PSCA: variants seen among roughly 807,000 people sequenced by gnomAD.
PSCA encodes prostate stem cell antigen.
Under a neutral mutation model 7.9 loss-of-function variants are expected in PSCA, and 7 were observed. That is an observed-to-expected ratio of 0.89 (90% CI 0.51 to 1.67). PSCA has a LOEUF of 1.67. PSCA is among the 40% of genes most tolerant of loss of function. PSCA has a pLI of 0.00. For missense variants in PSCA, 151 were observed against 147.9 expected (o/e 1.02, Z -0.11); for synonymous variants, 61 against 68.3 (o/e 0.89, Z 0.53).
rs782215725 is a variant in PSCA, at chr8:142,682,054, T to G, written c.267T>G (p.His89Gln). The change falls in exon 3 of 3, where the codon CAT becomes CAG. Residue 89 changes from histidine to glutamine, a missense_variant. Coordinates refer to ENST00000301258, the MANE Select transcript of PSCA (RefSeq NM_005672.5). ...DTDLCNASGA[H>Q]ALQPAAAILA... ...ACTTGTGCAACGCCAGCGGGGCCCA[T>G]GCCCTGCAGCCGGCTGCTGCCATCC... The G allele has an allele frequency of 3.1e-5, 50 of 1,611,604 alleles. No homozygotes were observed. Among genetic ancestry groups the G allele is most frequent in the Non-Finnish European group, 3.9e-5 (46 of 1,179,794 alleles).
At chr8:142,675,297 C>T (rs1046136726) in intron 1 of PSCA, among the ~76,000 whole-genome samples, 1 of 152,084 alleles carries the variant, frequency 6.6e-6, no homozygotes, top group Admixed American at 6.5e-5. Flanking sequence ...GGGGCAGGGG[C>T]TGGGGCAGTG....
chr8:142,678,941 C>T (rs900399336), upstream of PSCA, among the ~76,000 whole-genome samples: 11 of 123,542 alleles, frequency 8.9e-5, no homozygotes, highest in African/African-American at 3.2e-4. Flanking sequence ...GGGCCATAGC[C>T]GCTGCCACCA....
rs1554638392 is a variant in PSCA at position 142,681,809 on chromosome 8, A to G, written c.134-112A>G. The G allele has an allele frequency of 5.1e-6, 4 of 786,732 alleles. 1 individual carries two copies. Among genetic ancestry groups the G allele is most frequent in the Non-Finnish European group, 2.0e-6 (1 of 495,362 alleles). 48.7% of individuals were successfully genotyped at this position (786,732 alleles called of 1,614,324 possible). A position where few individuals can be genotyped will look rare whatever the true frequency, so the allele number is the denominator to read the frequency against. ...TCGCACTGCTTGCAATCCTGAGGCC[A>G]GCCCAGGGGGACTCTAGAGCATTAG... On this transcript the variant is annotated intron_variant, in intron 2 of 2. Transcript: ENST00000301258.
upstream of PSCA, chr8:142,676,587 C>T (rs587715852): frequency 6.6e-6 from 1 of 152,304 alleles, no homozygotes; most frequent in Admixed American, 6.5e-5. Context: ...CCCAGGTGCT[C>T]CTACCATTAC....
chr8:142,677,435 G>A (rs1554637913), upstream of PSCA, among the ~76,000 whole-genome samples: 1 of 152,220 alleles, frequency 6.6e-6, no homozygotes, highest in African/African-American at 2.4e-5. Context: ...TGGCGGTGCA[G>A]AGTCACCCAC....
chr8:142,678,698 GCCACCACCAC>G (rs1847426037), upstream of PSCA, among the ~76,000 whole-genome samples: 2 of 147,192 alleles, frequency 1.4e-5, no homozygotes, highest in Admixed American at 1.4e-4. Flanking sequence ...CATAGCCACT[GCCACCACCAC>G]CCAGCCACTG....
chr8:142,681,922 C>A lies in PSCA; in HGVS notation c.135C>A (p.Arg45=), dbSNP rs587617377. The change falls in exon 3 of 3, where the codon CGC becomes CGA. Residue 45 remains arginine, a splice_region_variant and synonymous_variant. Coordinates refer to ENST00000301258, the MANE Select transcript of PSCA (RefSeq NM_005672.5). ...LGEQCWTARI[R]AVGLLTVISK... The stretch of plus-strand genomic sequence containing the variant: ...TCCCCGGATCCCGCTGCTCCCCAGG[C>A]GCAGTTGGCCTCCTGACCGTCATCA... The A allele has an allele frequency of 3.3e-6, 5 of 1,530,386 alleles. No homozygotes were observed. Among genetic ancestry groups the A allele is most frequent in the Non-Finnish European group, 4.4e-6 (5 of 1,133,288 alleles). The allele number at this position is 1,530,386 out of a possible 1,614,324, so 94.8% of individuals were successfully genotyped here. A position where few individuals can be genotyped will look rare whatever the true frequency, so the allele number is the denominator to read the frequency against.
At chr8:142,681,067 G>C in intron 1 of PSCA, 1 of 499,762 alleles carries the variant, frequency 2.0e-6, no homozygotes, top group Non-Finnish European at 3.6e-6. Context: ...CCAGGGTCCC[G>C]GGTTCAGTCA....
At position 142,682,211 on chromosome 8, in the gene PSCA, G is replaced by C. The variant is rs1554638484; in HGVS notation, c.*79G>C. 2.0e-6 allele frequency: 3 copies of C among 1,467,500 alleles called. No individual in the cohort carries two copies. Among genetic ancestry groups the C allele is most frequent in the Non-Finnish European group, 2.8e-6 (3 of 1,081,532 alleles). The allele number at this position is 1,467,500 out of a possible 1,614,324, so 90.9% of individuals were successfully genotyped here. On this transcript the variant is annotated 3_prime_UTR_variant, in exon 3 of 3. Coordinates refer to ENST00000301258, the MANE Select transcript of PSCA (RefSeq NM_005672.5). The stretch of plus-strand genomic sequence containing the variant: ...TGCCACTCCTCACACACCCGGCCCA[G>C]TGGGAGCCTGTCCTGGTTCCTGAGG...
Position 142,674,059 on chromosome 8 carries a change from C to A in PSCA, n.261+3491C>A, listed in dbSNP as rs587701307. Among the ~76,000 whole-genome samples the A allele has an allele frequency of 1.4e-3, 208 of 150,222 alleles. 3 individuals carry two copies. Among genetic ancestry groups the A allele is most frequent in the African/African-American group, 4.4e-3 (178 of 40,648 alleles). On this transcript the variant is annotated intron_variant and non_coding_transcript_variant, in intron 1 of 1. Coordinates refer to the PSCA transcript ENST00000505305. The stretch of plus-strand genomic sequence containing the variant: ...GGGAATCGTTTCAGTCTAACCTCAG[C>A]AGAGCTCAGATCCCCTCATCTTCCT...
chr8:142,682,113 G>A lies in PSCA; in HGVS notation c.326G>A (p.Trp109Ter), dbSNP rs138377917. ...CTCCCTGCACTCGGCCTGCTGCTCT[G>A]GGGACCCGGCCAGCTCTAGGCTCTG... ...ALLPALGLLL[W>*]GPGQL The change falls in exon 3 of 3, where the codon TGG becomes TAG. Residue 109 changes from tryptophan to a stop codon, truncating the protein, a stop_gained. Coordinates refer to ENST00000301258, the MANE Select transcript of PSCA (RefSeq NM_005672.5). LOFTEE classifies it high-confidence loss of function. 52,543 of 1,601,734 alleles carry A rather than the reference G, an allele frequency of 0.033. 1,085 individuals are homozygous for A. Among genetic ancestry groups the A allele is most frequent in the Non-Finnish European group, 0.041 (48,092 of 1,178,838 alleles).
At chr8:142,674,352 C>T (rs1252679546) in intron 1 of PSCA, among the ~76,000 whole-genome samples, 9 of 145,260 alleles carry the variant, frequency 6.2e-5, no homozygotes, top group African/African-American at 2.2e-4. Flanking sequence ...TAATGAATAA[C>T]GGCTGGGAAT....
At chr8:142,681,167 A>G in intron 1 of PSCA, 160 bp from the exon 2 acceptor site, 1 of 600,354 alleles carries the variant, frequency 1.7e-6, no homozygotes, top group African/African-American at 1.8e-5. Flanking sequence ...GGAGGCACTG[A>G]GCAGGGGGCC....
Position 142,682,117 on chromosome 8 carries a change from A to C in PSCA, c.330A>C (p.Gly110=), listed in dbSNP as rs782787564. 6.2e-7 allele frequency: 1 copy of C among 1,601,124 alleles called. No homozygotes were observed. Among genetic ancestry groups the C allele is most frequent in the South Asian group, 1.1e-5 (1 of 90,846 alleles). ...CTGCACTCGGCCTGCTGCTCTGGGG[A>C]CCCGGCCAGCTCTAGGCTCTGGGGG... The part of the protein sequence containing the change: ...LLPALGLLLW[G]PGQL Residue 110 remains glycine, a synonymous_variant, in exon 3 of 3, where the codon GGA becomes GGC. Coordinates refer to ENST00000301258, the MANE Select transcript of PSCA (RefSeq NM_005672.5).
chr8:142,680,719 G>T, intron 1 of PSCA, 156 bp downstream of exon 1: 1 of 1,007,518 alleles, frequency 9.9e-7, no homozygotes, highest in South Asian at 1.5e-5. Context: ...CTCCAGGGAA[G>T]CTCTTGGCAC....
At chr8:142,680,263 G>A (rs1277667305), upstream of PSCA, 30 of 516,628 alleles carry the variant, frequency 5.8e-5, no homozygotes, top group East Asian at 3.9e-4. Context: ...TCTTGAGGAC[G>A]TTTCAGCCCT....
upstream of PSCA, chr8:142,680,168 G>T: frequency 3.7e-6 from 1 of 268,694 alleles, no homozygotes; most frequent in Non-Finnish European, 7.3e-6. Context: ...CTGGAAGGCC[G>T]AGGCCTGGAG....
intron 1 of PSCA, chr8:142,680,915 TAAG>T: frequency 4.1e-6 from 2 of 493,088 alleles, no homozygotes; most frequent in Middle Eastern, 5.5e-4. Context: ...AGCCTCAGGC[TAAG>T]AAGTGGTTTT....
chr8:142,681,192 G>C (rs782387880), intron 1 of PSCA, 135 bp from the exon 2 acceptor site: 8 of 627,640 alleles, frequency 1.3e-5, no homozygotes, highest in Non-Finnish European at 2.3e-5. Context: ...AGATGGGGAG[G>C]AGACATTGAG....
Sources: allele counts gnomAD v4.1 joint callset (sites outside exome capture counted in the v4.1 genomes callset), GRCh38; gene constraint gnomAD v4.1.1; transcripts MANE v1.5; gene names NCBI Gene and HGNC (gene_info 2026-07-23, HGNC 2026-07-21).